Variants in FHIT observed in about 807,000 individuals in gnomAD.
FHIT encodes the protein fragile histidine triad diadenosine triphosphatase.
A neutral mutation model predicts 17.9 loss-of-function variants in FHIT; 19 were observed. The ratio of observed to expected loss-of-function variants is 1.06; its 90% confidence interval spans 0.74 to 1.56. The LOEUF (loss-of-function observed/expected upper bound fraction) is 1.56. Ranked by LOEUF, FHIT falls within the 40% of genes most tolerant of loss-of-function variation. The pLI, the probability that FHIT is intolerant of heterozygous loss-of-function variation, is 0.00. For synonymous variants in FHIT, 81 were observed against 69.7 expected (o/e 1.16, Z -0.81); for missense variants, 248 against 189.2 (o/e 1.31, Z -1.82).
chr3:60,472,050 A>G (rs549445794), intron 5 of FHIT, among the ~76,000 whole-genome samples: 19 of 152,238 alleles, frequency 1.2e-4, no homozygotes, highest in African/African-American at 4.1e-4. Flanking sequence ...TATTGGGTAC[A>G]ATGTTCACTA....
intron 4 of FHIT, among the ~76,000 whole-genome samples, chr3:60,579,093 T>C (rs1242244267): frequency 2.0e-5 from 3 of 152,142 alleles, no homozygotes; most frequent in African/African-American, 7.2e-5. Context: ...GGAGCAAGCA[T>C]ACCTGTACAG....
intron 8 of FHIT, among the ~76,000 whole-genome samples, chr3:59,889,184 G>A (rs1703747110): frequency 6.6e-6 from 1 of 152,172 alleles, no homozygotes; most frequent in Non-Finnish European, 1.5e-5. Flanking sequence ...AACCTGGGAT[G>A]ATATTCAAAG....
At chr3:60,200,287 C>T (rs1235543650) in intron 5 of FHIT, among the ~76,000 whole-genome samples, 1 of 152,100 alleles carries the variant, frequency 6.6e-6, no homozygotes, top group East Asian at 1.9e-4. Context: ...CATCCCCTTT[C>T]CACATTTTAG....
chr3:60,909,358 G>C (rs1256226842), intron 3 of FHIT, among the ~76,000 whole-genome samples: 1 of 130,572 alleles, frequency 7.7e-6, no homozygotes, highest in East Asian at 2.1e-4. Context: ...AGCAGAGCGA[G>C]ACTCTGTCTC....
intron 3 of FHIT, among the ~76,000 whole-genome samples, chr3:61,018,972 C>G (rs191813474): frequency 6.6e-6 from 1 of 152,216 alleles, no homozygotes; most frequent in African/African-American, 2.4e-5. Flanking sequence ...ATGAGATAAA[C>G]CGGCAGTCAT....
At chr3:60,063,022 A>G (rs1291894245) in intron 5 of FHIT, among the ~76,000 whole-genome samples, 23 of 152,220 alleles carry the variant, frequency 1.5e-4, no homozygotes, top group Admixed American at 1.5e-3. Flanking sequence ...CTCCCAGTTC[A>G]CAACTAAATT....
chr3:59,756,990 A>G (rs1701252229), intron 8 of FHIT, among the ~76,000 whole-genome samples: 1 of 152,198 alleles, frequency 6.6e-6, no homozygotes. Flanking sequence ...ATAAAATAAC[A>G]GCACTTCCAA....
At chr3:60,559,463 C>T (rs1346959402) in intron 4 of FHIT, among the ~76,000 whole-genome samples, 1 of 152,152 alleles carries the variant, frequency 6.6e-6, no homozygotes, top group Non-Finnish European at 1.5e-5. Flanking sequence ...GCTGAGATGT[C>T]CCCTCTTGCC....
chr3:61,105,075 G>T (rs151258596), intron 2 of FHIT, among the ~76,000 whole-genome samples: 1 of 152,044 alleles, frequency 6.6e-6, no homozygotes, highest in East Asian at 1.9e-4. Context: ...TGTTATTTCA[G>T]CCATCTCAAC....
At chr3:60,106,310 A>T (rs1047043876) in intron 5 of FHIT, among the ~76,000 whole-genome samples, 7 of 152,152 alleles carry the variant, frequency 4.6e-5, no homozygotes, top group African/African-American at 1.7e-4. Flanking sequence ...CTGATTTAGT[A>T]AAGAGAAGTC....
chr3:59,879,112 A>T (rs934356423), intron 8 of FHIT, among the ~76,000 whole-genome samples: 1 of 152,212 alleles, frequency 6.6e-6, no homozygotes, highest in Non-Finnish European at 1.5e-5. Context: ...AGCTTCTCAC[A>T]CAGTAATTAT....
chr3:60,066,172 G>A (rs2630165), intron 5 of FHIT, among the ~76,000 whole-genome samples: 1 of 151,890 alleles, frequency 6.6e-6, no homozygotes, highest in Non-Finnish European at 1.5e-5. Flanking sequence ...ACCAGCTGTT[G>A]GAGGGAAATC....
intron 5 of FHIT, among the ~76,000 whole-genome samples, chr3:60,146,544 T>A (rs754797399): frequency 1.9e-4 from 29 of 152,150 alleles, no homozygotes; most frequent in Non-Finnish European, 3.1e-4. Flanking sequence ...TGGCTTTGGA[T>A]CTGCCCTCTT....
chr3:60,418,679 G>C (rs1053190471), intron 5 of FHIT, among the ~76,000 whole-genome samples: 2 of 144,830 alleles, frequency 1.4e-5, no homozygotes, highest in Non-Finnish European at 3.0e-5. Flanking sequence ...ACTAACAATT[G>C]TGTGTGATGG....
At chr3:60,503,535 T>C (rs1215269906) in intron 5 of FHIT, among the ~76,000 whole-genome samples, 1 of 152,156 alleles carries the variant, frequency 6.6e-6, no homozygotes, top group African/African-American at 2.4e-5. Flanking sequence ...GATAAATGTA[T>C]GGGCACATAC....
intron 2 of FHIT, among the ~76,000 whole-genome samples, chr3:61,095,880 G>C (rs1175668228): frequency 6.6e-6 from 1 of 152,130 alleles, no homozygotes; most frequent in African/African-American, 2.4e-5. Context: ...TTGTTCTATA[G>C]AGAAGTTCAT....
intron 3 of FHIT, among the ~76,000 whole-genome samples, chr3:61,004,633 G>A (rs2031321657): frequency 6.6e-6 from 1 of 152,072 alleles, no homozygotes; most frequent in Admixed American, 6.5e-5. Context: ...CAGCTCAAAG[G>A]GACCCCACAG....
chr3:60,393,461 T>G (rs1016139966), intron 5 of FHIT, among the ~76,000 whole-genome samples: 71 of 150,608 alleles, frequency 4.7e-4, no homozygotes, highest in African/African-American at 1.5e-3. Flanking sequence ...ATATATAAAT[T>G]TGCATGTAAT....
intron 1 of FHIT, among the ~76,000 whole-genome samples, chr3:61,250,278 A>T (rs1479045654): frequency 6.6e-6 from 1 of 152,218 alleles, no homozygotes. Context: ...CCAAGGAGGG[A>T]GAGTTCAGGT....
Sources: allele counts gnomAD v4.1 joint callset (sites outside exome capture counted in the v4.1 genomes callset), GRCh38; gene constraint gnomAD v4.1.1; transcripts MANE v1.5; gene names NCBI Gene and HGNC (gene_info 2026-07-23, HGNC 2026-07-21).